SLC26A5: variants seen among roughly 807,000 people sequenced by gnomAD.
SLC26A5 encodes the protein prestin.
SLC26A5 carries 51 observed loss-of-function variants against 81.0 expected under a neutral mutation model. The observed-to-expected ratio is 0.63, with a 90% CI of 0.50 to 0.80. The LOEUF (loss-of-function observed/expected upper bound fraction) is 0.80, where lower values mean the gene tolerates loss of function less well. Ranked by LOEUF, SLC26A5 falls within the 30% of genes least tolerant of loss-of-function variation. SLC26A5 has a pLI of 0.00. For synonymous variants in SLC26A5, 325 were observed against 332.8 expected (o/e 0.98, Z 0.25); for missense variants, 771 against 905.8 (o/e 0.85, Z 1.91).
chr7:103,402,022 T>G (rs2116575051), intron 8 of SLC26A5, among the ~76,000 whole-genome samples: 1 of 152,310 alleles, frequency 6.6e-6, no homozygotes, highest in South Asian at 2.1e-4. Flanking sequence ...ATTTTCTTTT[T>G]TTTGTTGTTG....
chr7:103,408,294 T>C (rs1447057151), intron 7 of SLC26A5, among the ~76,000 whole-genome samples: 1 of 152,198 alleles, frequency 6.6e-6, no homozygotes, highest in African/African-American at 2.4e-5. Context: ...TGGCATGATC[T>C]TGGCTCACTG....
intron 4 of SLC26A5, among the ~76,000 whole-genome samples, chr7:103,420,095 A>G (rs1350809853): frequency 6.6e-6 from 1 of 152,104 alleles, no homozygotes; most frequent in Non-Finnish European, 1.5e-5. Context: ...AGTTGCTGCA[A>G]TATACTACAG....
At chr7:103,361,235 G>A (rs1343366586) in intron 19 of SLC26A5, among the ~76,000 whole-genome samples, 2 of 151,838 alleles carry the variant, frequency 1.3e-5, no homozygotes, top group Non-Finnish European at 2.9e-5. Context: ...TGTAATCCCA[G>A]CACTTTGGGA....
intron 5 of SLC26A5, among the ~76,000 whole-genome samples, chr7:103,412,265 A>G (rs1207683049): frequency 6.6e-6 from 1 of 152,346 alleles, no homozygotes; most frequent in East Asian, 1.9e-4. Flanking sequence ...CACCAGAACT[A>G]TTATGAAATC....
chr7:103,413,011 T>G lies in SLC26A5; in HGVS notation c.394A>C (p.Ile132Leu). 1 of 1,601,530 alleles carries G rather than the reference T, an allele frequency of 6.2e-7. No homozygotes were observed. The highest frequency in any genetic ancestry group is 1.1e-5 in the South Asian group (1 of 90,834). ...AAATGTAAGCTTTTACCTATGGATA[T>G]GTGTCTGGAGGTTCCAAGAAAACAA... The part of the protein sequence containing the change: ...MYCFLGTSRH[I>L]SIGPFAVISL... Residue 132 changes from isoleucine (I) to leucine (L), a missense_variant, in exon 5 of 20, where the codon ATA becomes CTA. Transcript: ENST00000306312.
At chr7:103,434,417 T>A (rs920849637) in intron 2 of SLC26A5, among the ~76,000 whole-genome samples, 2 of 152,184 alleles carry the variant, frequency 1.3e-5, no homozygotes, top group African/African-American at 4.8e-5. Context: ...AACAATTGTA[T>A]CTCTGCATGT....
At chr7:103,371,979 G>C (rs767240676), downstream of SLC26A5, among the ~76,000 whole-genome samples, 2 of 152,206 alleles carry the variant, frequency 1.3e-5, no homozygotes, top group Non-Finnish European at 2.9e-5. Context: ...ACAGGCGTGA[G>C]CCACCGCACC....
intron 19 of SLC26A5, among the ~76,000 whole-genome samples, chr7:103,366,895 C>T (rs1358475211): frequency 6.6e-6 from 1 of 152,146 alleles, no homozygotes; most frequent in African/African-American, 2.4e-5. Flanking sequence ...ACCTCTGCCT[C>T]CTGGGTTCAA....
downstream of SLC26A5, among the ~76,000 whole-genome samples, chr7:103,373,665 T>C (rs558451643): frequency 6.6e-5 from 10 of 152,224 alleles, no homozygotes; most frequent in African/African-American, 1.4e-4. Context: ...CTGGGGACAA[T>C]TGGGGAAATT....
chr7:103,365,239 G>C (rs889879281), intron 19 of SLC26A5, among the ~76,000 whole-genome samples: 2 of 151,924 alleles, frequency 1.3e-5, no homozygotes, highest in African/African-American at 4.8e-5. Flanking sequence ...GAAACCTATT[G>C]CTATTTAATA....
intron 11 of SLC26A5, among the ~76,000 whole-genome samples, chr7:103,390,739 A>G (rs1822574336): frequency 6.6e-6 from 1 of 152,164 alleles, no homozygotes. Context: ...TCCTAATTAA[A>G]ATGCCCTTTC....
intron 19 of SLC26A5, chr7:103,368,073 T>A: frequency 6.3e-7 from 1 of 1,583,250 alleles, no homozygotes; most frequent in Non-Finnish European, 8.6e-7. Context: ...GGCTTTCAAG[T>A]GAAAACTTTA....
chr7:103,421,255 A>G, intron 3 of SLC26A5, 108 bp downstream of exon 3: 1 of 1,242,364 alleles, frequency 8.0e-7, no homozygotes, highest in South Asian at 1.3e-5. Context: ...ATGGCTCAGC[A>G]TTCATTTTTC....
intron 8 of SLC26A5, among the ~76,000 whole-genome samples, chr7:103,399,560 TCTTCA>T (rs1380962740): frequency 6.6e-6 from 1 of 152,176 alleles, no homozygotes; most frequent in Non-Finnish European, 1.5e-5. Flanking sequence ...ACACCTATAC[TCTTCA>T]CTTCTTTTTT....
chr7:103,375,474 A>T (rs1408677804), intron 19 of SLC26A5, among the ~76,000 whole-genome samples: 1 of 152,122 alleles, frequency 6.6e-6, no homozygotes, highest in Non-Finnish European at 1.5e-5. Context: ...TGTCTGAGAG[A>T]GCCTGTTTTC....
chr7:103,425,581 A>C (rs1586366062), intron 2 of SLC26A5, among the ~76,000 whole-genome samples: 1 of 152,224 alleles, frequency 6.6e-6, no homozygotes, highest in Admixed American at 6.5e-5. Flanking sequence ...TGACAAGATT[A>C]AAGCCTCATA....
At chr7:103,423,099 T>TAA (rs564122483) in intron 2 of SLC26A5, among the ~76,000 whole-genome samples, 35 of 87,810 alleles carry the variant, frequency 4.0e-4, no homozygotes, top group African/African-American at 9.7e-4. Flanking sequence ...CTGCCTCTAC[T>TAA]AAAAAAAAAA....
intron 5 of SLC26A5, among the ~76,000 whole-genome samples, chr7:103,412,542 GTTTTTTTTTTGTT>G (rs1380245248): frequency 1.6e-5 from 2 of 121,668 alleles, no homozygotes; most frequent in African/African-American, 7.5e-5. Context: ...GAGGAGTGTA[GTTTTTTTTTTGTT>G]TTTTTTTTTT....
At position 103,410,401 on chromosome 7, in the gene SLC26A5, A is replaced by T; in HGVS notation, c.719T>A (p.Ile240Asn). 3 of 1,614,122 alleles carry T rather than the reference A, an allele frequency of 1.9e-6. No homozygotes were observed. Among genetic ancestry groups the T allele is most frequent in the Non-Finnish European group, 2.5e-6 (3 of 1,179,954 alleles). The change falls in exon 7 of 20, where the codon ATC becomes AAC. Residue 240 changes from isoleucine (I) to asparagine (N), a missense_variant. Coordinates refer to ENST00000306312, the MANE Select transcript of SLC26A5 (RefSeq NM_198999.3). ...CTTACTTACATACACCACGGAAAAG[A>T]TTCCACTGTACCGCTTTGTTTTAAC... is the stretch of plus-strand genomic sequence containing the variant. ...FGVKTKRYSG[I>N]FSVVYSTVAV...
Sources: allele counts gnomAD v4.1 joint callset (sites outside exome capture counted in the v4.1 genomes callset), GRCh38; gene constraint gnomAD v4.1.1; transcripts MANE v1.5; gene names NCBI Gene and HGNC (gene_info 2026-07-23, HGNC 2026-07-21).